DSG2: variants seen among roughly 807,000 people sequenced by gnomAD.
DSG2 encodes the protein desmoglein 2.
A neutral mutation model predicts 75.6 loss-of-function variants in DSG2; 45 were observed. That is an observed-to-expected ratio of 0.60 (90% CI 0.47 to 0.76). The LOEUF is 0.76. DSG2 is among the 30% of genes least tolerant of loss of function. The pLI is 0.00. For synonymous variants in DSG2, 429 were observed against 483.9 expected (o/e 0.89, Z 1.49); for missense variants, 1,267 against 1,357.4 (o/e 0.93, Z 1.05).
chr18:31,502,953 G>A (rs142392367), intron 1 of DSG2, among the ~76,000 whole-genome samples: 2 of 152,262 alleles, frequency 1.3e-5, no homozygotes, highest in Non-Finnish European at 2.9e-5. Context: ...GTCTACATAT[G>A]ATGAGAAACT....
intron 11 of DSG2, among the ~76,000 whole-genome samples, chr18:31,537,820 T>C (rs1210580125): frequency 6.6e-6 from 1 of 151,608 alleles, no homozygotes; most frequent in East Asian, 1.9e-4. Flanking sequence ...CTGGCCAACA[T>C]GGTGAAACTC....
intron 11 of DSG2, among the ~76,000 whole-genome samples, 173 bp from the exon 12 acceptor site, chr18:31,538,578 A>T (rs1331182997): frequency 6.6e-6 from 1 of 152,222 alleles, no homozygotes; most frequent in Admixed American, 6.5e-5. Context: ...TAAACTGCAT[A>T]TTCAGGGCCT....
chr18:31,530,932 A>G, intron 8 of DSG2, 55 bp from the exon 9 acceptor site: 1 of 1,568,014 alleles, frequency 6.4e-7, no homozygotes, highest in Non-Finnish European at 8.8e-7. Flanking sequence ...ATGTATATGT[A>G]TACATGTCTT....
chr18:31,508,366 T>C (rs1353974809), intron 1 of DSG2, among the ~76,000 whole-genome samples: 1 of 136,342 alleles, frequency 7.3e-6, no homozygotes, highest in East Asian at 2.0e-4. Context: ...TATTTTATTT[T>C]ATTTTATTTT....
At position 31,531,270 on chromosome 18, in the gene DSG2, G is replaced by C. The variant is rs141175168; in HGVS notation, c.1280+18G>C. ...CATGCAAGGTAAGAGAGAGTGACAC[G>C]TGTATTTCTTTATTTTAAATTATTT... is the stretch of plus-strand genomic sequence containing the variant. On this transcript the variant is annotated intron_variant, in intron 9 of 14. Coordinates refer to ENST00000261590, the MANE Select transcript of DSG2 (RefSeq NM_001943.5). 116 of 1,613,082 alleles carry C rather than the reference G, an allele frequency of 7.2e-5. No homozygotes were observed. The African/African-American group carries it at 1.2e-3, about 16-fold the overall frequency.
intron 1 of DSG2, among the ~76,000 whole-genome samples, chr18:31,502,553 C>T (rs952627478): frequency 1.2e-4 from 19 of 152,198 alleles, no homozygotes; most frequent in African/African-American, 4.1e-4. Flanking sequence ...AGTTTGAGAC[C>T]AGCCTGGCCA....
At chr18:31,534,610 A>G (rs2073217847) in intron 9 of DSG2, among the ~76,000 whole-genome samples, 1 of 145,030 alleles carries the variant, frequency 6.9e-6, no homozygotes, top group Admixed American at 7.2e-5. Flanking sequence ...TCCTGGGTTC[A>G]AGCAGTTCTC....
chr18:31,520,685 T>C, intron 3 of DSG2, 118 bp from the exon 4 acceptor site: 3 of 1,093,916 alleles, frequency 2.7e-6, no homozygotes, highest in Non-Finnish European at 2.6e-6. Flanking sequence ...AAGGAAATTG[T>C]CCATAAAAAT....
In DSG2 at chr18:31,545,513, C is replaced by CTAT. The variant is rs1234115206; in HGVS notation, c.2335-206_2335-204dup. ...ATCTGAAACAGTCCCCTCTGCCTTT[C>CTAT]TATTTTTTCCCTGATATTAATTTTT... On this transcript the variant is annotated intron_variant, in intron 14 of 14. Transcript: ENST00000261590. Among the ~76,000 whole-genome samples the CTAT allele has an allele frequency of 2.0e-5, 3 of 151,798 alleles. No individual in the cohort carries two copies. The East Asian group carries it at 5.8e-4, about 29-fold the overall frequency.
intron 13 of DSG2, 70 bp downstream of exon 13, chr18:31,541,384 T>G: frequency 6.3e-7 from 1 of 1,584,730 alleles, no homozygotes; most frequent in African/African-American, 1.3e-5. Flanking sequence ...GAAGTGTTTC[T>G]TACATGTTTG....
rs2073123931 is a variant in DSG2, at chr18:31,520,906, A to G, written c.320A>G (p.Asp107Gly). ...TTTGGTATATTTGTCTTTAACAAAG[A>G]TACTGGAGAACTGAATGTTACCAGC... ...PPFGIFVFNKDTGELNVTSIL... is the reference protein window; with the variant it reads ...PPFGIFVFNKGTGELNVTSIL... The change falls in exon 4 of 15, where the codon GAT becomes GGT. Residue 107 changes from aspartate (D) to glycine (G), a missense_variant. Coordinates refer to ENST00000261590, the MANE Select transcript of DSG2 (RefSeq NM_001943.5). 3 of 1,613,952 alleles carry G rather than the reference A, an allele frequency of 1.9e-6. No homozygotes were observed. The highest frequency in any genetic ancestry group is 2.5e-6 in the Non-Finnish European group (3 of 1,179,906).
Position 31,538,977 on chromosome 18 carries a change from A to G in DSG2, c.1878A>G (p.Leu626=), listed in dbSNP as rs771576658. ...ALMILAFLLL[L]LVPLLLLMCH... is the part of the protein sequence containing the mutation. ...TGATTTTGGCCTTTCTGCTCCTGCTATGTAAGTCTTTAAAAGCCACTCTGT... is the reference window on the plus strand; with the variant it reads ...TGATTTTGGCCTTTCTGCTCCTGCTGTGTAAGTCTTTAAAAGCCACTCTGT... Residue 626 remains leucine, a splice_region_variant and synonymous_variant, in exon 12 of 15, where the codon CTA becomes CTG. Coordinates refer to ENST00000261590, the MANE Select transcript of DSG2 (RefSeq NM_001943.5). 22 of 1,612,816 alleles carry G rather than the reference A, an allele frequency of 1.4e-5. No individual in the cohort carries two copies. The highest frequency in any genetic ancestry group is 1.1e-4 in the African/African-American group (8 of 74,894).
At position 31,547,000 on chromosome 18, in the gene DSG2, A is replaced by G. The variant is rs2073317536; in HGVS notation, c.*257A>G. 1.8e-6 allele frequency: 1 copy of G among 541,342 alleles called. No homozygotes were observed. The highest frequency in any genetic ancestry group is 3.5e-5 in the East Asian group (1 of 28,668). 33.5% of individuals were successfully genotyped at this position (541,342 alleles called of 1,614,324 possible). On this transcript the variant is annotated 3_prime_UTR_variant, in exon 15 of 15. Coordinates refer to ENST00000261590, the MANE Select transcript of DSG2 (RefSeq NM_001943.5). ...GTGCCTTTTAGCAAGCTATGCAAAC[A>G]ATCCTGATAAAACAAGATACATAGA...
At position 31,540,912 on chromosome 18, in the gene DSG2, T is replaced by C. The variant is rs1667212; in HGVS notation, c.1880-281T>C. On this transcript the variant is annotated intron_variant, in intron 12 of 14. Coordinates refer to ENST00000261590, the MANE Select transcript of DSG2 (RefSeq NM_001943.5). ...TGGTTTTGATGATTTGGATACTATC[T>C]GAACCTAGTCTTGGTATTCCACTCA... Among the ~76,000 whole-genome samples, 29,499 of 152,142 alleles carry C rather than the reference T, an allele frequency of 0.19. 4,005 individuals carry two copies. The highest frequency in any genetic ancestry group is 0.39 in the African/African-American group (16,095 of 41,424).
chr18:31,503,683 A>T (rs965823007), intron 1 of DSG2, among the ~76,000 whole-genome samples: 2 of 152,216 alleles, frequency 1.3e-5, no homozygotes, highest in Non-Finnish European at 2.9e-5. Context: ...AGTTAAAAAG[A>T]GAGGCAACAG....
chr18:31,524,998 G>T, intron 8 of DSG2, 110 bp downstream of exon 8: 2 of 1,035,524 alleles, frequency 1.9e-6, no homozygotes, highest in South Asian at 1.4e-5. Flanking sequence ...CAATTAACTA[G>T]CACTACAGTT....
chr18:31,546,106 T>C lies in DSG2; in HGVS notation c.2720T>C (p.Val907Ala). 6.2e-7 allele frequency: 1 copy of C among 1,614,190 alleles called. No homozygotes were observed. Among genetic ancestry groups the C allele is most frequent in the Non-Finnish European group, 8.5e-7 (1 of 1,180,036 alleles). ...ANAEKVTQEI[V>A]TERSVSSRQA... ...GCAGAGAAAGTAACTCAGGAAATAG[T>C]CACTGAAAGATCTGTGTCTTCTAGG... is the stretch of plus-strand genomic sequence containing the variant. Residue 907 changes from valine to alanine, a missense_variant, in exon 15 of 15, where the codon GTC (valine) becomes GCC (alanine). Transcript: ENST00000261590.
intron 1 of DSG2, among the ~76,000 whole-genome samples, chr18:31,517,085 A>G (rs2073098514): frequency 6.6e-6 from 1 of 152,224 alleles, no homozygotes; most frequent in African/African-American, 2.4e-5. Flanking sequence ...AGATTAATGA[A>G]CTATAAGGAA....
chr18:31,526,026 T>C (rs2073161280), intron 8 of DSG2, among the ~76,000 whole-genome samples: 1 of 151,982 alleles, frequency 6.6e-6, no homozygotes. Flanking sequence ...TGCCTGTAAT[T>C]CCAGCTTCTC....
Sources: gnomAD v4.1 joint callset for allele counts (sites outside exome capture counted in the v4.1 genomes callset) on GRCh38, gnomAD v4.1.1 for gene constraint, MANE v1.5 for transcripts, NCBI Gene and HGNC (gene_info 2026-07-23, HGNC 2026-07-21) for gene names.